The following MMP26 variants were observed in gnomAD, a reference collection of about 807,000 sequenced individuals.
MMP26 encodes matrix metallopeptidase 26.
In MMP26, 33 loss-of-function variants were observed where a neutral mutation model predicts 31.0. That is an observed-to-expected ratio of 1.06 (90% confidence interval 0.81 to 1.42). The LOEUF (loss-of-function observed/expected upper bound fraction) is 1.42, where lower values mean the gene tolerates loss of function less well. MMP26 is among the 40% of genes most tolerant of loss of function. MMP26 has a pLI of 0.00. For synonymous variants in MMP26, 122 were observed against 114.9 expected, an observed-to-expected ratio of 1.06 and a Z score of -0.40; for missense variants, 347 against 316.1, an observed-to-expected ratio of 1.10 and a Z score of -0.74.
chr11:4,944,269 G>A, intron 2 of MMP26: 2 of 220,838 alleles, frequency 9.1e-6, no homozygotes, highest in South Asian at 1.1e-4. Context: ...ATACTATCCT[G>A]GAGCATCAGA....
intron 2 of MMP26, among the ~76,000 whole-genome samples, chr11:4,789,361 G>T (rs1223329015): frequency 6.6e-6 from 1 of 151,708 alleles, no homozygotes; most frequent in Non-Finnish European, 1.5e-5. Context: ...AAGTGATTTT[G>T]GGGTCTCTGT....
intron 2 of MMP26, among the ~76,000 whole-genome samples, chr11:4,823,613 G>A (rs1849541252): frequency 6.6e-6 from 1 of 152,144 alleles, no homozygotes; most frequent in African/African-American, 2.4e-5. Context: ...GGCCATGGAT[G>A]TGAATTAATG....
At chr11:4,835,203 G>GACACACAC (rs3064937) in intron 2 of MMP26, among the ~76,000 whole-genome samples, 22,384 of 143,102 alleles carry the variant, frequency 0.16, 1,980 homozygotes, top group Middle Eastern at 0.2. Context: ...CTCTCTTTCT[G>GACACACAC]ACACACACAC....
At chr11:4,835,488 G>T (rs1469985665) in intron 2 of MMP26, among the ~76,000 whole-genome samples, 2 of 152,108 alleles carry the variant, frequency 1.3e-5, no homozygotes, top group Non-Finnish European at 2.9e-5. Context: ...ATCCTAGACT[G>T]GCCGGGGGTA....
intron 1 of MMP26, among the ~76,000 whole-genome samples, chr11:4,741,063 C>G (rs1015680093): frequency 6.6e-6 from 1 of 152,152 alleles, no homozygotes; most frequent in African/African-American, 2.4e-5. Context: ...ATATTTAAGT[C>G]TTTAATTCAT....
chr11:4,878,387 CAT>C (rs1264774448), intron 2 of MMP26, among the ~76,000 whole-genome samples: 2 of 151,792 alleles, frequency 1.3e-5, no homozygotes, highest in East Asian at 3.9e-4. Flanking sequence ...TATTTTATAA[CAT>C]AAGGTATACA....
intron 2 of MMP26, among the ~76,000 whole-genome samples, chr11:4,983,871 T>C (rs1376194100): frequency 6.6e-6 from 1 of 152,214 alleles, no homozygotes; most frequent in African/African-American, 2.4e-5. Context: ...CAAGACCTGT[T>C]GAATTAGAAT....
intron 2 of MMP26, among the ~76,000 whole-genome samples, chr11:4,850,369 A>G (rs766790060): frequency 3.9e-5 from 6 of 152,310 alleles, no homozygotes; most frequent in Non-Finnish European, 8.8e-5. Flanking sequence ...AGCAAAACCA[A>G]TAAGACACTC....
chr11:4,868,859 C>G (rs1589924567), intron 2 of MMP26, among the ~76,000 whole-genome samples: 1 of 152,072 alleles, frequency 6.6e-6, no homozygotes, highest in African/African-American at 2.4e-5. Context: ...GGTGCTGGTA[C>G]CAAAACAGAG....
intron 2 of MMP26, among the ~76,000 whole-genome samples, chr11:4,979,848 G>T (rs372882188): frequency 6.6e-6 from 1 of 151,892 alleles, no homozygotes; most frequent in African/African-American, 2.4e-5. Context: ...TCTATCCCAC[G>T]CAGAAAACAA....
At chr11:4,968,488 A>G (rs1390190048) in intron 2 of MMP26, among the ~76,000 whole-genome samples, 1 of 151,244 alleles carries the variant, frequency 6.6e-6, no homozygotes, top group African/African-American at 2.4e-5. Context: ...AAAATAAAAA[A>G]AAAGAGTTAT....
intron 2 of MMP26, chr11:4,944,858 C>T (rs1191262330): frequency 6.6e-6 from 1 of 151,828 alleles, no homozygotes; most frequent in African/African-American, 2.4e-5. Flanking sequence ...AACTTGTATC[C>T]TACCTTGAAG....
At chr11:4,711,103 A>C (rs1027730796) in intron 1 of MMP26, 5 of 152,288 alleles carry the variant, frequency 3.3e-5, no homozygotes, top group African/African-American at 1.2e-4. Flanking sequence ...AAAGAAGAAA[A>C]ATGGGCAAGA....
At chr11:4,947,078 T>C (rs183236822) in intron 2 of MMP26, 3 of 1,503,146 alleles carry the variant, frequency 2.0e-6, no homozygotes, top group African/African-American at 1.4e-5. Flanking sequence ...GATTTCAACA[T>C]ATGATGTGTT....
chr11:4,989,710 A>G lies in MMP26; in HGVS notation c.162A>G (p.Gln54=), dbSNP rs1346220012. ...CGCCACTCCTTACCCAGGAGACACA[A>G]ACACAGCTCCTGCAACAATTCCATC... ...KESPLLTQET[Q]TQLLQQFHRN... The change falls in exon 4 of 8, where the codon CAA becomes CAG. Residue 54 remains glutamine, a synonymous_variant. Transcript: ENST00000380390. 2.5e-6 allele frequency: 4 copies of G among 1,613,786 alleles called. No homozygotes were observed. The highest frequency in any genetic ancestry group is 3.4e-6 in the Non-Finnish European group (4 of 1,180,018).
intron 1 of MMP26, among the ~76,000 whole-genome samples, chr11:4,706,322 G>A (rs943993227): frequency 2.0e-5 from 3 of 151,516 alleles, no homozygotes; most frequent in East Asian, 3.9e-4. Context: ...GCACTTTGGA[G>A]GCCAAGGCAG....
intron 2 of MMP26, among the ~76,000 whole-genome samples, chr11:4,820,659 T>C (rs1849482926): frequency 6.6e-6 from 1 of 152,148 alleles, no homozygotes; most frequent in South Asian, 2.1e-4. Context: ...TCTGTCATCG[T>C]TGTCTCTCTC....
chr11:4,804,877 G>C (rs940284690), intron 2 of MMP26, among the ~76,000 whole-genome samples: 2 of 151,652 alleles, frequency 1.3e-5, no homozygotes, highest in East Asian at 3.9e-4. Context: ...GGCTGAGGAA[G>C]GAAAATCACT....
At chr11:4,928,926 C>G (rs570629350) in intron 2 of MMP26, among the ~76,000 whole-genome samples, 1 of 152,082 alleles carries the variant, frequency 6.6e-6, no homozygotes, top group African/African-American at 2.4e-5. Flanking sequence ...TGTAATGGAA[C>G]ACAAGGATGC....
Sources: gnomAD v4.1 joint callset for allele counts (sites outside exome capture counted in the v4.1 genomes callset) on GRCh38, gnomAD v4.1.1 for gene constraint, MANE v1.5 for transcripts, NCBI Gene and HGNC (gene_info 2026-07-23, HGNC 2026-07-21) for gene names.